Variants in EYS observed in about 807,000 individuals in gnomAD.
The protein encoded by EYS is protein eyes shut homolog.
Under a neutral mutation model 282.1 loss-of-function variants are expected in EYS, and 250 were observed. The ratio of observed to expected loss-of-function variants is 0.89; its 90% CI spans 0.80 to 0.98. The LOEUF (loss-of-function observed/expected upper bound fraction) is 0.98, where lower values mean the gene tolerates loss of function less well. Among genes scored for constraint, EYS ranks in the 50% least tolerant of loss-of-function variants. EYS has a pLI of 0.00. For missense variants in EYS, 4,016 were observed against 3,709.0 expected (o/e 1.08, Z -2.15); for synonymous variants, 1,355 against 1,282.9 (o/e 1.06, Z -1.20).
intron 26 of EYS, among the ~76,000 whole-genome samples, chr6:64,452,482 T>C (rs1764966634): frequency 6.6e-6 from 1 of 152,182 alleles, no homozygotes; most frequent in Non-Finnish European, 1.5e-5. Flanking sequence ...TACCAATGGC[T>C]TTCTTCACAG....
At chr6:63,958,618 A>T (rs1765921144) in intron 35 of EYS, among the ~76,000 whole-genome samples, 2 of 152,212 alleles carry the variant, frequency 1.3e-5, no homozygotes, top group Non-Finnish European at 2.9e-5. Context: ...TTATATTGGA[A>T]GAAGATGCCT....
chr6:64,688,393 G>A (rs1770240883), intron 22 of EYS, among the ~76,000 whole-genome samples: 1 of 151,970 alleles, frequency 6.6e-6, no homozygotes, highest in African/African-American at 2.4e-5. Flanking sequence ...ACACTGCTTT[G>A]AATGTGTCCC....
At chr6:64,543,582 A>G (rs1171529737) in intron 26 of EYS, among the ~76,000 whole-genome samples, 1 of 152,148 alleles carries the variant, frequency 6.6e-6, no homozygotes, top group African/African-American at 2.4e-5. Context: ...CTATCACAAA[A>G]TGTTTGCTAG....
At chr6:64,051,511 G>T (rs1215054667) in intron 33 of EYS, among the ~76,000 whole-genome samples, 2 of 152,050 alleles carry the variant, frequency 1.3e-5, no homozygotes, top group Non-Finnish European at 2.9e-5. Context: ...TCCCATTACT[G>T]TTAAAATTTA....
intron 22 of EYS, among the ~76,000 whole-genome samples, chr6:64,750,994 A>G (rs1309552649): frequency 6.6e-6 from 1 of 151,802 alleles, no homozygotes; most frequent in Admixed American, 6.6e-5. Context: ...TGGAGCACCT[A>G]TTCTTCTAGA....
intron 2 of EYS, among the ~76,000 whole-genome samples, chr6:65,571,771 A>C (rs1429818199): frequency 6.6e-6 from 1 of 152,092 alleles, no homozygotes; most frequent in Non-Finnish European, 1.5e-5. Flanking sequence ...TTTATAAAAA[A>C]CATTTTTTAA....
intron 22 of EYS, among the ~76,000 whole-genome samples, chr6:64,695,945 A>AT (rs1006444631): frequency 1.3e-5 from 2 of 151,978 alleles, no homozygotes; most frequent in African/African-American, 2.4e-5. Flanking sequence ...TACTGGAAGT[A>AT]TTTTTTTTAA....
In EYS at chr6:64,997,604, G is replaced by T; in HGVS notation, c.2237C>A (p.Ser746Tyr). The change falls in exon 14 of 43, where the codon TCT (serine) becomes TAT (tyrosine). Residue 746 changes from serine to tyrosine, a missense_variant. Physicochemically the swap from Ser to Tyr is moderately radical, Grantham distance 144. Coordinates refer to ENST00000503581, the MANE Select transcript of EYS (RefSeq NM_001142800.2). ...AACGAGATGCAGGTCTTTGCAGGTA[G>T]AATTGTGCTCACAGGCATTCAGGAT... is the stretch of plus-strand genomic sequence containing the variant. ...DCILNACEHN[S>Y]TCKDLHLSYQ... 6.4e-7 allele frequency: 1 copy of T among 1,551,212 alleles called. No homozygotes were observed. Among genetic ancestry groups the T allele is most frequent in the South Asian group, 1.2e-5 (1 of 84,034 alleles).
At chr6:64,291,348 T>C (rs1057360458) in intron 30 of EYS, among the ~76,000 whole-genome samples, 27 of 152,086 alleles carry the variant, frequency 1.8e-4, no homozygotes, top group Non-Finnish European at 3.2e-4. Flanking sequence ...AATAGTAACA[T>C]CTGAAAATGA....
intron 12 of EYS, among the ~76,000 whole-genome samples, chr6:65,236,339 C>T (rs528776378): frequency 1.1e-4 from 17 of 152,206 alleles, no homozygotes; most frequent in African/African-American, 3.6e-4. Context: ...GGGTCTGGCA[C>T]GGTGGCTCAT....
chr6:65,600,922 CAAT>C (rs980922697), intron 2 of EYS, among the ~76,000 whole-genome samples: 9 of 151,808 alleles, frequency 5.9e-5, no homozygotes, highest in Admixed American at 5.9e-4. Context: ...GCAAAGAAAA[CAAT>C]GATACTGGGA....
In EYS at chr6:63,720,140, A is replaced by C. The variant is rs1372995402; in HGVS notation, c.*456T>G. The C allele has an allele frequency of 1.8e-5, 3 of 169,770 alleles. No homozygotes were observed. The highest frequency in any genetic ancestry group is 6.3e-5 in the Admixed American group (1 of 15,830). 10.5% of individuals were successfully genotyped at this position (169,770 alleles called of 1,614,324 possible). A position where few individuals can be genotyped will look rare whatever the true frequency, so the allele number is the denominator to read the frequency against. Reference sequence around the variant, plus strand: ...AAGCCATGTAATACAATATGGTTACATTGCTTTGTATAATTTTTATTTTTC... The same window carrying C: ...AAGCCATGTAATACAATATGGTTACCTTGCTTTGTATAATTTTTATTTTTC... On this transcript the variant is annotated 3_prime_UTR_variant, in exon 43 of 43. Transcript: ENST00000503581.
intron 22 of EYS, among the ~76,000 whole-genome samples, chr6:64,711,641 C>T (rs1322359104): frequency 6.6e-6 from 1 of 152,108 alleles, no homozygotes; most frequent in Non-Finnish European, 1.5e-5. Flanking sequence ...CAAGGTAATA[C>T]AAAATATTCA....
At chr6:64,951,424 G>A (rs1769505275) in intron 14 of EYS, among the ~76,000 whole-genome samples, 1 of 151,830 alleles carries the variant, frequency 6.6e-6, no homozygotes, top group Non-Finnish European at 1.5e-5. Flanking sequence ...AATCCTCTTT[G>A]GAAGATGTTA....
At chr6:64,006,482 T>G (rs1430392515) in intron 33 of EYS, among the ~76,000 whole-genome samples, 1 of 152,152 alleles carries the variant, frequency 6.6e-6, no homozygotes, top group Non-Finnish European at 1.5e-5. Flanking sequence ...CTTTTATTTC[T>G]TACTCTTGCC....
chr6:65,361,374 A>T (rs1438157427), intron 8 of EYS, among the ~76,000 whole-genome samples: 2 of 152,064 alleles, frequency 1.3e-5, no homozygotes, highest in African/African-American at 4.8e-5. Flanking sequence ...AAAAAAAAAG[A>T]AATACTCATA....
At chr6:63,735,634 A>G (rs1768891077) in intron 41 of EYS, among the ~76,000 whole-genome samples, 1 of 152,088 alleles carries the variant, frequency 6.6e-6, no homozygotes, top group South Asian at 2.1e-4. Context: ...TTCCTATATA[A>G]TTAGCACTCA....
intron 26 of EYS, among the ~76,000 whole-genome samples, chr6:64,510,582 G>A (rs778145081): frequency 3.9e-5 from 6 of 152,010 alleles, no homozygotes; most frequent in East Asian, 1.9e-4. Flanking sequence ...TGTATAAAAC[G>A]TGATTTAAAG....
chr6:64,788,216 G>A (rs952999469), intron 22 of EYS, among the ~76,000 whole-genome samples: 3 of 152,158 alleles, frequency 2.0e-5, no homozygotes, highest in Admixed American at 6.6e-5. Context: ...TACAGATTAA[G>A]TTGACCAAGG....
Sources: allele counts gnomAD v4.1 joint callset (sites outside exome capture counted in the v4.1 genomes callset), GRCh38; gene constraint gnomAD v4.1.1; transcripts MANE v1.5; gene names NCBI Gene and HGNC (gene_info 2026-07-23, HGNC 2026-07-21).